Variants in IL31RA observed in about 807,000 individuals in gnomAD.
The protein encoded by IL31RA is interleukin-31 receptor subunit alpha.
IL31RA carries 66 observed loss-of-function variants against 83.7 expected under a neutral mutation model. That is an observed-to-expected ratio of 0.79 (90% CI 0.65 to 0.97). The LOEUF (loss-of-function observed/expected upper bound fraction) is 0.97. Ranked by LOEUF, IL31RA falls within the 50% of genes least tolerant of loss-of-function variation. IL31RA has a pLI of 0.00. For missense variants in IL31RA, 798 were observed against 919.4 expected, an observed-to-expected ratio of 0.87 and a Z score of 1.71; for synonymous variants, 325 against 329.0, an observed-to-expected ratio of 0.99 and a Z score of 0.13.
chr5:55,882,336 C>G (rs6888104), intron 4 of IL31RA, among the ~76,000 whole-genome samples: 11,882 of 152,166 alleles, frequency 0.078, 799 homozygotes, highest in African/African-American at 0.18. Context: ...ATTATTAATA[C>G]AAAGGGATAT....
chr5:55,846,898 A>G (rs10042075), upstream of IL31RA, among the ~76,000 whole-genome samples: 93,225 of 151,866 alleles, frequency 0.61, 29,570 homozygotes, highest in South Asian at 0.73. Context: ...GCCCTATTAT[A>G]CTTTCTGGAA....
Position 55,900,148 on chromosome 5 carries a change from A to C in IL31RA, c.1069+16A>C. The C allele has an allele frequency of 6.4e-7, 1 of 1,569,984 alleles. No individual in the cohort carries two copies. Among genetic ancestry groups the C allele is most frequent in the Non-Finnish European group, 8.8e-7 (1 of 1,139,776 alleles). On this transcript the variant is annotated intron_variant, in intron 8 of 14. Coordinates refer to ENST00000652347, the MANE Select transcript of IL31RA (RefSeq NM_139017.7). ...CAAGAAAAATGTAAGTAGAGCATCA[A>C]CTTCTTCCTTAGGTGCCTGGTCCCA...
At chr5:55,851,729 C>G (rs1400887225) in intron 1 of IL31RA, 96 bp downstream of exon 1, 1 of 1,610,496 alleles carries the variant, frequency 6.2e-7, no homozygotes, top group East Asian at 2.2e-5. Flanking sequence ...TTTTACCTAC[C>G]TAGTGTCTCA....
At chr5:55,899,660 T>G (rs1056753578) in intron 7 of IL31RA, among the ~76,000 whole-genome samples, 1 of 152,102 alleles carries the variant, frequency 6.6e-6, no homozygotes, top group African/African-American at 2.4e-5. Flanking sequence ...GGGTGGCTTG[T>G]TTACATTGTT....
intron 3 of IL31RA, among the ~76,000 whole-genome samples, chr5:55,869,721 A>T (rs927243326): frequency 9.2e-5 from 14 of 152,036 alleles, no homozygotes; most frequent in Non-Finnish European, 1.8e-4. Context: ...TGATCCGCCC[A>T]CCTCAGCTCC....
upstream of IL31RA, among the ~76,000 whole-genome samples, chr5:55,846,654 A>C (rs1210363252): frequency 6.6e-6 from 1 of 151,704 alleles, no homozygotes; most frequent in Non-Finnish European, 1.5e-5. Flanking sequence ...AAAATTAGCC[A>C]AGCTTGGTGT....
At chr5:55,868,403 G>A (rs1032365304) in intron 2 of IL31RA, among the ~76,000 whole-genome samples, 2 of 152,184 alleles carry the variant, frequency 1.3e-5, no homozygotes, top group African/African-American at 4.8e-5. Flanking sequence ...GTGTGGCATG[G>A]TTGTATTCTT....
intron 14 of IL31RA, among the ~76,000 whole-genome samples, chr5:55,916,361 C>A (rs1025031713): frequency 1.4e-5 from 2 of 143,424 alleles, no homozygotes; most frequent in Non-Finnish European, 3.0e-5. Flanking sequence ...GCCTGGGCAA[C>A]GGGAGTGAGA....
In IL31RA at chr5:55,919,837, G is replaced by A. The variant is rs1258213494; in HGVS notation, c.*2717G>A. On this transcript the variant is annotated 3_prime_UTR_variant, in exon 15 of 15. Coordinates refer to ENST00000652347, the MANE Select transcript of IL31RA (RefSeq NM_139017.7). ...CCTCTCCTGGATCGAGTCACCAACT[G>A]TCCCCGCTCTGGGCACCAGGGACTG... Among the ~76,000 whole-genome samples the A allele has an allele frequency of 1.3e-5, 2 of 152,198 alleles. No homozygotes were observed. Among genetic ancestry groups the A allele is most frequent in the African/African-American group, 4.8e-5 (2 of 41,462 alleles).
At chr5:55,874,413 A>G (rs6893712) in intron 4 of IL31RA, among the ~76,000 whole-genome samples, 2 of 152,038 alleles carry the variant, frequency 1.3e-5, no homozygotes, top group African/African-American at 2.4e-5. Context: ...ATAATATTTT[A>G]GTATTAGCTT....
upstream of IL31RA, among the ~76,000 whole-genome samples, chr5:55,848,789 A>G (rs1371509785): frequency 6.6e-6 from 1 of 152,226 alleles, no homozygotes; most frequent in African/African-American, 2.4e-5. Flanking sequence ...CTCAAAGCCC[A>G]CTTCAAATGG....
intron 3 of IL31RA, among the ~76,000 whole-genome samples, chr5:55,871,855 T>A (rs1178431038): frequency 1.4e-5 from 2 of 139,104 alleles, no homozygotes; most frequent in Non-Finnish European, 3.1e-5. Flanking sequence ...GTATCTACCA[T>A]AATGTATTTA....
intron 5 of IL31RA, among the ~76,000 whole-genome samples, chr5:55,886,970 T>TA (rs1299606261): frequency 6.6e-6 from 1 of 152,240 alleles, no homozygotes; most frequent in Non-Finnish European, 1.5e-5. Context: ...CTCTTCCAGT[T>TA]ACACTGTAAA....
At position 55,919,449 on chromosome 5, in the gene IL31RA, C is replaced by T. The variant is rs564917169; in HGVS notation, c.*2329C>T. ...GCTCCTTCATCATCAAAGCTGGAAG[C>T]GTCTTTTGCTGGACAATTTGCAAAT... On this transcript the variant is annotated 3_prime_UTR_variant, in exon 15 of 15. Coordinates refer to ENST00000652347, the MANE Select transcript of IL31RA (RefSeq NM_139017.7). 7.9e-5 allele frequency among the ~76,000 whole-genome samples: 12 copies of T among 152,292 alleles called. No individual in the cohort carries two copies. The East Asian group carries it at 1.7e-3, about 22-fold the overall frequency.
intron 8 of IL31RA, among the ~76,000 whole-genome samples, chr5:55,904,361 G>A (rs531042988): frequency 2.0e-5 from 3 of 152,066 alleles, no homozygotes; most frequent in Admixed American, 6.5e-5. Context: ...TGGGTGGAGC[G>A]CCAACATTGG....
At position 55,922,060 on chromosome 5, in the gene IL31RA, G is replaced by GA. The variant is rs11394491; in HGVS notation, c.*4940_*4941insA. ...TTGCACTCTTATGTTGTGGCGGGGGGGGGGGGCGGTTCCTGAAGAGTGGAG... is the reference window on the plus strand; with the variant it reads ...TTGCACTCTTATGTTGTGGCGGGGGGAGGGGGGCGGTTCCTGAAGAGTGGAG... On this transcript the variant is annotated 3_prime_UTR_variant, in exon 15 of 15. Coordinates refer to ENST00000652347, the MANE Select transcript of IL31RA (RefSeq NM_139017.7). 3.4e-5 allele frequency among the ~76,000 whole-genome samples: 5 copies of GA among 145,416 alleles called. 1 individual carries two copies. Among genetic ancestry groups the GA allele is most frequent in the Admixed American group, 3.4e-4 (5 of 14,722 alleles).
chr5:55,855,294 C>A (rs1039728863), intron 1 of IL31RA, among the ~76,000 whole-genome samples: 1 of 149,196 alleles, frequency 6.7e-6, no homozygotes, highest in South Asian at 2.2e-4. Flanking sequence ...CAGGTGTGCA[C>A]CATGACACTC....
intron 8 of IL31RA, among the ~76,000 whole-genome samples, chr5:55,904,534 G>A (rs905069707): frequency 2.6e-5 from 4 of 152,160 alleles, no homozygotes; most frequent in African/African-American, 4.8e-5. Flanking sequence ...TTCTTGCCCC[G>A]GCCTCTGCTC....
chr5:55,906,278 G>T lies in IL31RA; in HGVS notation c.1242G>T (p.Thr414=). ...CTGTGTCTCAGGCCACGAACTGGAC[G>T]ATCCAGCAAGGTAGCCAGGGCGGAA... ...WESVSQATNW[T]IQQDKLKPFW... The change falls in exon 9 of 15, where the codon ACG becomes ACT. Residue 414 remains threonine (T), a synonymous_variant. Transcript: ENST00000652347. 6.2e-7 allele frequency: 1 copy of T among 1,614,008 alleles called. No homozygotes were observed. Among genetic ancestry groups the T allele is most frequent in the Non-Finnish European group, 8.5e-7 (1 of 1,180,018 alleles).
Sources: allele counts gnomAD v4.1 joint callset (sites outside exome capture counted in the v4.1 genomes callset), GRCh38; gene constraint gnomAD v4.1.1; transcripts MANE v1.5; gene names NCBI Gene and HGNC (gene_info 2026-07-23, HGNC 2026-07-21).